The following DBF4B variants were observed in gnomAD, a reference collection of about 807,000 sequenced individuals.
DBF4B encodes protein DBF4 homolog B.
DBF4B carries 49 observed loss-of-function variants against 53.4 expected under a neutral mutation model. The observed-to-expected ratio is 0.92, with a 90% CI of 0.73 to 1.16. The LOEUF is 1.16. Among genes scored for constraint, DBF4B ranks in the 50% most tolerant of loss-of-function variants. DBF4B has a pLI of 0.00. For synonymous variants in DBF4B, 257 were observed against 288.7 expected, an observed-to-expected ratio of 0.89 and a Z score of 1.11; for missense variants, 692 against 775.0, an observed-to-expected ratio of 0.89 and a Z score of 1.27.
At chr17:44,731,072 A>ACTCTTCTT (rs1974794498) in intron 5 of DBF4B, 57 bp downstream of exon 5, 1 of 1,598,812 alleles carries the variant, frequency 6.3e-7, no homozygotes, top group Admixed American at 1.7e-5. Flanking sequence ...GAGGGATTTC[A>ACTCTTCTT]CTCTTCTTCC....
intron 6 of DBF4B, among the ~76,000 whole-genome samples, chr17:44,733,089 T>C (rs2337849): frequency 0.91 from 136,129 of 149,202 alleles, 62,118 homozygotes; most frequent in African/African-American, 0.94. Flanking sequence ...GGCGTGAACC[T>C]GGGAGGCGGA....
chr17:44,740,996 A>G (rs895368691), intron 9 of DBF4B, among the ~76,000 whole-genome samples: 2 of 152,104 alleles, frequency 1.3e-5, no homozygotes, highest in African/African-American at 4.8e-5. Flanking sequence ...TTAGCCGGCC[A>G]TGGTGGCGGA....
chr17:44,740,316 C>G (rs1248325835), intron 9 of DBF4B, among the ~76,000 whole-genome samples: 1 of 152,182 alleles, frequency 6.6e-6, no homozygotes, highest in Non-Finnish European at 1.5e-5. Flanking sequence ...ACTGTTTCCC[C>G]CAGAACATGG....
chr17:44,743,696 C>T (rs868572646), intron 10 of DBF4B, among the ~76,000 whole-genome samples: 4 of 151,262 alleles, frequency 2.6e-5, no homozygotes, highest in Non-Finnish European at 5.9e-5. Context: ...CTGCAACCTC[C>T]GCCTCCCAGG....
rs771762439 is a variant in DBF4B, at chr17:44,751,223, T to G, written c.1818T>G (p.His606Gln). Residue 606 changes from histidine to glutamine, a missense_variant, in exon 14 of 14, where the codon CAT (histidine) becomes CAG (glutamine). His to Gln is a conservative substitution (Grantham distance 24). Transcript: ENST00000315005. ...QGWNTPQPFLHCGFLAVDSG is the reference protein window; with the variant it reads ...QGWNTPQPFLQCGFLAVDSG Reference sequence around the variant, plus strand: ...GGAACACTCCTCAGCCATTTCTCCATTGCGGCTTCCTGGCTGTAGACTCAG... The same window carrying G: ...GGAACACTCCTCAGCCATTTCTCCAGTGCGGCTTCCTGGCTGTAGACTCAG... The G allele has an allele frequency of 2.7e-5, 43 of 1,613,580 alleles. No homozygotes were observed. The highest frequency in any genetic ancestry group is 5.9e-6 in the Non-Finnish European group (7 of 1,179,910).
chr17:44,712,629 T>C (rs1197782476), intron 2 of DBF4B, among the ~76,000 whole-genome samples: 2 of 151,814 alleles, frequency 1.3e-5, no homozygotes, highest in Non-Finnish European at 2.9e-5. Flanking sequence ...TTAGTAGAGA[T>C]GGGGTTTTAC....
At chr17:44,740,356 C>A (rs1392416661) in intron 9 of DBF4B, among the ~76,000 whole-genome samples, 1 of 152,196 alleles carries the variant, frequency 6.6e-6, no homozygotes, top group African/African-American at 2.4e-5. Flanking sequence ...GTGCACCCGG[C>A]AGTTACCTCA....
intron 7 of DBF4B, 141 bp downstream of exon 7, chr17:44,734,304 C>A: frequency 1.9e-6 from 2 of 1,031,482 alleles, no homozygotes; most frequent in Non-Finnish European, 2.9e-6. Flanking sequence ...CTCTTATTTA[C>A]CTCAGTCCTA....
Position 44,749,477 on chromosome 17 carries a change from G to A in DBF4B, c.1189+1012G>A, listed in dbSNP as rs192760602. The stretch of plus-strand genomic sequence containing the variant: ...CCCCAAAAGAGCTAGAAGGAGGCCC[G>A]GGCCTGGCCTTTGAAGTCCAGCAAG... On this transcript the variant is annotated intron_variant, in intron 13 of 13. Coordinates refer to ENST00000315005, the MANE Select transcript of DBF4B (RefSeq NM_145663.3). This position sits in a 1 kb window ranked among gnomAD's most constrained non-coding sequence, Gnocchi z 4.4. 4.5e-4 allele frequency: 573 copies of A among 1,285,682 alleles called. 3 individuals are homozygous for A. The African/African-American group carries it at 7.7e-3, about 17-fold the overall frequency. The allele number at this position is 1,285,682 out of a possible 1,614,324, so 79.6% of individuals were successfully genotyped here.
intron 3 of DBF4B, among the ~76,000 whole-genome samples, chr17:44,729,681 CAT>C (rs1304135595): frequency 1.7e-3 from 211 of 123,402 alleles, no homozygotes; most frequent in African/African-American, 5.9e-3. Context: ...CTGTAATACA[CAT>C]ACACACACAC....
At chr17:44,742,419 A>G (rs946958535) in intron 10 of DBF4B, among the ~76,000 whole-genome samples, 1 of 151,884 alleles carries the variant, frequency 6.6e-6, no homozygotes, top group African/African-American at 2.4e-5. Flanking sequence ...CAAAAAAAAA[A>G]AAAAAAAAAA....
At chr17:44,717,785 T>A (rs1240429941) in intron 2 of DBF4B, among the ~76,000 whole-genome samples, 1 of 144,972 alleles carries the variant, frequency 6.9e-6, no homozygotes, top group Non-Finnish European at 1.5e-5. Flanking sequence ...GAGGCTGAGG[T>A]GAGAAGATCA....
rs146686902 is a variant in DBF4B at position 44,729,927 on chromosome 17, A to G, written c.248A>G (p.Lys83Arg). The change falls in exon 4 of 14, where the codon AAA becomes AGA. Residue 83 changes from lysine (K) to arginine (R), a missense_variant. Transcript: ENST00000315005. ...CAGGTAATTGAGGGTTTTCTGAGCAAAGAAGTAAGTTACATCGTGTCCAGC... is the reference window on the plus strand; with the variant it reads ...CAGGTAATTGAGGGTTTTCTGAGCAGAGAAGTAAGTTACATCGTGTCCAGC... ...LGGVIEGFLS[K>R]EVSYIVSSRR... 4.9e-5 allele frequency: 79 copies of G among 1,613,860 alleles called. 1 individual carries two copies. The African/African-American group carries it at 8.5e-4, about 17-fold the overall frequency.
intron 2 of DBF4B, chr17:44,720,250 C>A: frequency 3.1e-6 from 1 of 321,834 alleles, no homozygotes; most frequent in Admixed American, 3.7e-5. Flanking sequence ...GGCACATCTT[C>A]AGTAGGGTAA....
At chr17:44,737,292 T>C (rs1411731055) in intron 8 of DBF4B, among the ~76,000 whole-genome samples, 1 of 152,192 alleles carries the variant, frequency 6.6e-6, no homozygotes, top group East Asian at 1.9e-4. Flanking sequence ...CTGGTTCCTC[T>C]TGGACAGCAG....
At chr17:44,737,889 TC>T (rs1199051703) in intron 8 of DBF4B, among the ~76,000 whole-genome samples, 3 of 152,140 alleles carry the variant, frequency 2.0e-5, no homozygotes, top group African/African-American at 4.8e-5. Context: ...AAACCCAGGG[TC>T]CTCCTGGAGC....
intron 10 of DBF4B, among the ~76,000 whole-genome samples, chr17:44,744,501 C>A (rs960206552): frequency 2.6e-5 from 4 of 151,962 alleles, no homozygotes; most frequent in African/African-American, 9.7e-5. Flanking sequence ...TTTATTTAAC[C>A]AGTCTGTTAT....
chr17:44,742,840 A>T (rs1976214869), intron 10 of DBF4B, among the ~76,000 whole-genome samples: 1 of 152,236 alleles, frequency 6.6e-6, no homozygotes, highest in African/African-American at 2.4e-5. Flanking sequence ...GTAGAGAAGG[A>T]ATTCAGCTCA....
At chr17:44,725,168 G>A (rs901456307) in intron 3 of DBF4B, among the ~76,000 whole-genome samples, 3 of 150,666 alleles carry the variant, frequency 2.0e-5, no homozygotes, top group African/African-American at 7.3e-5. Flanking sequence ...GCACATGCCT[G>A]TAGTCCAGCT....
Sources: allele counts gnomAD v4.1 joint callset (sites outside exome capture counted in the v4.1 genomes callset), GRCh38; gene constraint gnomAD v4.1.1; non-coding constraint Gnocchi (gnomAD v3.1); transcripts MANE v1.5; gene names NCBI Gene and HGNC (gene_info 2026-07-23, HGNC 2026-07-21).